RAB1B: variants seen among roughly 807,000 people sequenced by gnomAD.
RAB1B encodes the protein RAB1B, member RAS oncogene family, also known as ras-related protein Rab-1B.
RAB1B carries 10 observed loss-of-function variants against 24.8 expected under a neutral mutation model. That is an observed-to-expected ratio of 0.40 (90% confidence interval 0.25 to 0.68). The LOEUF is 0.68. Ranked by LOEUF, RAB1B falls within the 30% of genes least tolerant of loss-of-function variation. The pLI is 0.37. For synonymous variants in RAB1B, 99 were observed against 111.7 expected (o/e 0.89, Z 0.72); for missense variants, 154 against 271.2 (o/e 0.57, Z 3.04).
rs1214967274 is a variant in RAB1B at position 66,277,308 on chromosome 11, T to G, written c.*1070T>G. ...TCTCTTGCCTGTCCCACCTGTGCCC[T>G]GCCCTCCAGCTTGTATTTAAGTCCC... On this transcript the variant is annotated 3_prime_UTR_variant, in exon 6 of 6. Coordinates refer to ENST00000311481, the MANE Select transcript of RAB1B (RefSeq NM_030981.3). 1 of 152,738 alleles carries G rather than the reference T, an allele frequency of 6.5e-6. No individual in the cohort carries two copies. The highest frequency in any genetic ancestry group is 1.5e-5 in the Non-Finnish European group (1 of 68,086). The allele number at this position is 152,738 out of a possible 1,614,324, so 9.5% of individuals were successfully genotyped here.
At chr11:66,268,735 C>A in intron 1 of RAB1B, 42 bp downstream of exon 1, 1 of 1,550,678 alleles carries the variant, frequency 6.4e-7, no homozygotes, top group Non-Finnish European at 8.7e-7. Flanking sequence ...AGCCTCGATC[C>A]CGAATACAGG....
At chr11:66,269,959 C>T (rs928446586) in intron 1 of RAB1B, 3 of 152,112 alleles carry the variant, frequency 2.0e-5, no homozygotes, top group Non-Finnish European at 4.4e-5. Flanking sequence ...ACTGCAGTCT[C>T]CAACTCTTGG....
In RAB1B at chr11:66,272,436, C is replaced by T. The variant is rs532959938; in HGVS notation, c.255C>T (p.Ile85=). The change falls in exon 4 of 6, where the codon ATC becomes ATT. Residue 85 remains isoleucine (I), a synonymous_variant. Coordinates refer to ENST00000311481, the MANE Select transcript of RAB1B (RefSeq NM_030981.3). ...ACTACCGGGGGGCTCATGGCATCAT[C>T]GTGGTGTATGACGTCACTGACCAGG... The part of the protein sequence containing the change: ...SSYYRGAHGI[I]VVYDVTDQES... The T allele has an allele frequency of 1.2e-5, 19 of 1,601,704 alleles. No individual in the cohort carries two copies. Among genetic ancestry groups the T allele is most frequent in the Non-Finnish European group, 1.5e-5 (18 of 1,172,898 alleles).
At chr11:66,272,297 C>G (rs773819298) in intron 3 of RAB1B, 45 bp downstream of exon 3, 22 of 1,599,270 alleles carry the variant, frequency 1.4e-5, no homozygotes, top group East Asian at 1.3e-4. Flanking sequence ...AGGTATCCAC[C>G]TTGGGAGGGA....
intron 1 of RAB1B, among the ~76,000 whole-genome samples, chr11:66,269,384 A>C (rs1251570504): frequency 6.6e-6 from 1 of 152,076 alleles, no homozygotes; most frequent in Non-Finnish European, 1.5e-5. Context: ...AGTTTAGATG[A>C]ATATGGAATT....
At chr11:66,270,739 A>G (rs1016352621) in intron 1 of RAB1B, 2 of 152,218 alleles carry the variant, frequency 1.3e-5, no homozygotes, top group African/African-American at 4.8e-5. Context: ...GTGGGTTTTC[A>G]ACTTAATAGG....
Position 66,276,374 on chromosome 11 carries a change from C to T in RAB1B, c.*136C>T, listed in dbSNP as rs147898756. On this transcript the variant is annotated 3_prime_UTR_variant, in exon 6 of 6. Transcript: ENST00000311481. ...TGGGGTGTCCTGGGCTCCCCATCTC[C>T]TTCTGGCCCATCTGCCTGCTGCCCT... 1.4e-4 allele frequency: 115 copies of T among 839,836 alleles called. 1 individual carries two copies. The East Asian group carries it at 3.2e-3, about 23-fold the overall frequency. The allele number at this position is 839,836 out of a possible 1,614,324, so 52.0% of individuals were successfully genotyped here. A position where few individuals can be genotyped will look rare whatever the true frequency, so the allele number is the denominator to read the frequency against.
intron 4 of RAB1B, among the ~76,000 whole-genome samples, chr11:66,275,180 A>G (rs76656947): frequency 0.021 from 3,179 of 152,286 alleles, 131 homozygotes; most frequent in African/African-American, 0.073. Flanking sequence ...CCTAAGGAGT[A>G]TAAGTGGCCC....
Position 66,275,921 on chromosome 11 carries a change from A to G in RAB1B, c.397A>G (p.Asn133Asp). Residue 133 changes from asparagine (N) to aspartate (D), a missense_variant, in exon 5 of 6, where the codon AAC becomes GAC. Coordinates refer to ENST00000311481, the MANE Select transcript of RAB1B (RefSeq NM_030981.3). The part of the protein sequence containing the change: ...SDLTTKKVVD[N>D]TTAKEFADSL... Reference sequence around the variant, plus strand: ...CCTCACCACCAAGAAGGTGGTGGACAACACCACAGCCAAGGTAGCAGACGG... The same window carrying G: ...CCTCACCACCAAGAAGGTGGTGGACGACACCACAGCCAAGGTAGCAGACGG... 6.2e-7 allele frequency: 1 copy of G among 1,611,706 alleles called. No individual in the cohort carries two copies. Among genetic ancestry groups the G allele is most frequent in the Non-Finnish European group, 8.5e-7 (1 of 1,179,306 alleles).
intron 1 of RAB1B, chr11:66,271,073 C>G (rs1260996392): frequency 6.6e-6 from 1 of 152,448 alleles, no homozygotes; most frequent in East Asian, 1.9e-4. Context: ...TGGCCAGGCG[C>G]AGTGGCTCAC....
intron 1 of RAB1B, chr11:66,270,929 C>T (rs539366924): frequency 1.3e-5 from 2 of 152,378 alleles, no homozygotes; most frequent in East Asian, 1.9e-4. Context: ...ATTTCTTTCT[C>T]CATAAAGTGA....
intron 1 of RAB1B, chr11:66,270,229 GGTTTTTGTTGTT>G (rs1427870383): frequency 1.4e-5 from 2 of 145,504 alleles, no homozygotes; most frequent in Non-Finnish European, 3.0e-5. Context: ...CTTCATAACA[GGTTTTTGTTGTT>G]GTTGTTGTTG....
At chr11:66,273,570 C>G (rs891839477) in intron 4 of RAB1B, among the ~76,000 whole-genome samples, 1 of 152,186 alleles carries the variant, frequency 6.6e-6, no homozygotes, top group Non-Finnish European at 1.5e-5. Flanking sequence ...TTGGTGCTTC[C>G]CCACTGCCCT....
intron 4 of RAB1B, 40 bp downstream of exon 4, chr11:66,272,500 C>T: frequency 5.1e-6 from 7 of 1,365,276 alleles, no homozygotes; most frequent in Non-Finnish European, 7.1e-6. Flanking sequence ...GCCTCCTTAG[C>T]CTTAGGTCTT....
intron 1 of RAB1B, among the ~76,000 whole-genome samples, chr11:66,269,368 C>T (rs551864080): frequency 1.8e-4 from 27 of 152,312 alleles, no homozygotes; most frequent in African/African-American, 6.3e-4. Context: ...GTCACACTGC[C>T]TGTGAAGTTT....
At chr11:66,271,303 C>T (rs545733659) in intron 1 of RAB1B, 2 of 154,588 alleles carry the variant, frequency 1.3e-5, no homozygotes, top group African/African-American at 4.8e-5. Context: ...GCCTGGCCAA[C>T]ATGGTGAAAC....
chr11:66,275,755 A>AG, intron 4 of RAB1B, 49 bp from the exon 5 acceptor site: 6 of 1,540,960 alleles, frequency 3.9e-6, no homozygotes, highest in Non-Finnish European at 5.3e-6. Context: ...GGCCTGGGGT[A>AG]GGGGTGACAG....
intron 4 of RAB1B, among the ~76,000 whole-genome samples, chr11:66,275,176 G>A (rs912443989): frequency 2.0e-5 from 3 of 152,216 alleles, no homozygotes; most frequent in African/African-American, 4.8e-5. Context: ...GGCTCCTAAG[G>A]AGTATAAGTG....
At chr11:66,275,682 C>T (rs890515501) in intron 4 of RAB1B, 122 bp from the exon 5 acceptor site, 20 of 1,077,032 alleles carry the variant, frequency 1.9e-5, no homozygotes, top group African/African-American at 6.3e-5. Context: ...ATCTCTGCAT[C>T]GCTGAGCCCA....
Sources: allele counts gnomAD v4.1 joint callset (sites outside exome capture counted in the v4.1 genomes callset), GRCh38; gene constraint gnomAD v4.1.1; transcripts MANE v1.5; gene names NCBI Gene and HGNC (gene_info 2026-07-23, HGNC 2026-07-21).